GPATCH8: variants seen among roughly 807,000 people sequenced by gnomAD.
GPATCH8 encodes G-patch domain containing 8, also known as G patch domain-containing protein 8.
In GPATCH8, 18 loss-of-function variants were observed where a neutral mutation model predicts 118.3. The ratio of observed to expected loss-of-function variants is 0.15; its 90% CI spans 0.11 to 0.23. The LOEUF is 0.23. Among genes scored for constraint, GPATCH8 ranks in the 10% least tolerant of loss-of-function variants. The pLI is 1.00. For synonymous variants in GPATCH8, 659 were observed against 684.7 expected (o/e 0.96, Z 0.59); for missense variants, 1,631 against 1,873.8 (o/e 0.87, Z 2.39).
At position 44,435,053 on chromosome 17, in the gene GPATCH8, T is replaced by C. The variant is rs781665128; in HGVS notation, c.348+12A>G. On this transcript the variant is annotated intron_variant, in intron 5 of 7. Coordinates refer to ENST00000591680, the MANE Select transcript of GPATCH8 (RefSeq NM_001002909.4). ...CCTCCCCATCTCCCAATGAATAGCT[T>C]TGTTTAAATACCTTGTACTTTTGTC... The C allele has an allele frequency of 8.7e-7, 1 of 1,142,998 alleles. No individual in the cohort carries two copies. The highest frequency in any genetic ancestry group is 1.3e-6 in the Non-Finnish European group (1 of 749,526). The allele number at this position is 1,142,998 out of a possible 1,614,324, so 70.8% of individuals were successfully genotyped here.
intron 7 of GPATCH8, among the ~76,000 whole-genome samples, chr17:44,405,312 G>A (rs1222283962): frequency 1.1e-4 from 16 of 151,082 alleles, no homozygotes; most frequent in East Asian, 3.9e-4. Context: ...AGGTTCAAGC[G>A]ATTCTCCTGC....
At chr17:44,453,500 G>GTGTGTGTGTGTGT (rs1568011427) in intron 3 of GPATCH8, among the ~76,000 whole-genome samples, 15 of 142,772 alleles carry the variant, frequency 1.1e-4, no homozygotes, top group South Asian at 2.2e-4. Context: ...GGTAGGTAGG[G>GTGTGTGTGTGTGT]GTGTGTGTGT....
chr17:44,413,355 C>A (rs928741088), intron 6 of GPATCH8, among the ~76,000 whole-genome samples: 1 of 152,218 alleles, frequency 6.6e-6, no homozygotes, highest in Non-Finnish European at 1.5e-5. Flanking sequence ...ACTGCAACCT[C>A]CGCCTCCCAC....
intron 5 of GPATCH8, among the ~76,000 whole-genome samples, chr17:44,434,811 G>A (rs955807933): frequency 2.6e-5 from 4 of 152,202 alleles, no homozygotes; most frequent in South Asian, 2.1e-4. Flanking sequence ...TACCTACTAT[G>A]TAACAGGCAT....
At chr17:44,413,381 G>A (rs2049521703) in intron 6 of GPATCH8, among the ~76,000 whole-genome samples, 1 of 151,882 alleles carries the variant, frequency 6.6e-6, no homozygotes, top group Non-Finnish European at 1.5e-5. Context: ...AGCGATTCTT[G>A]TGCTTCAGCC....
intron 1 of GPATCH8, among the ~76,000 whole-genome samples, chr17:44,480,690 A>G (rs557022468): frequency 2.6e-5 from 4 of 151,000 alleles, no homozygotes; most frequent in Admixed American, 2.6e-4. Flanking sequence ...ATTGCACTCC[A>G]GCCTGGGCAA....
chr17:44,493,911 A>AACCATGACAGTATACAACTAT (rs1969473489), intron 1 of GPATCH8, among the ~76,000 whole-genome samples: 1 of 152,190 alleles, frequency 6.6e-6, no homozygotes, highest in South Asian at 2.1e-4. Flanking sequence ...GCATTTATTA[A>AACCATGACAGTATACAACTAT]ACCATGACAG....
At chr17:44,498,820 T>C (rs1016621736) in intron 1 of GPATCH8, among the ~76,000 whole-genome samples, 1 of 152,222 alleles carries the variant, frequency 6.6e-6, no homozygotes, top group Non-Finnish European at 1.5e-5. Flanking sequence ...ATATCTGGCA[T>C]ACCTGAATTA....
chr17:44,396,074 A>C lies in GPATCH8; in HGVS notation c.*1494T>G, dbSNP rs1411450613. 4 of 454,424 alleles carry C rather than the reference A, an allele frequency of 8.8e-6. No homozygotes were observed. Among genetic ancestry groups the C allele is most frequent in the Non-Finnish European group, 1.8e-5 (4 of 226,794 alleles). 28.1% of individuals were successfully genotyped at this position (454,424 alleles called of 1,614,324 possible). A position where few individuals can be genotyped will look rare whatever the true frequency, so the allele number is the denominator to read the frequency against. ...TATCTGTAAATGTGCTCACCTCCCAACAAAAGGAAGACTGTCCCAACTCAT... is the reference window on the plus strand; with the variant it reads ...TATCTGTAAATGTGCTCACCTCCCACCAAAAGGAAGACTGTCCCAACTCAT... On this transcript the variant is annotated 3_prime_UTR_variant, in exon 8 of 8. Transcript: ENST00000591680.
intron 6 of GPATCH8, among the ~76,000 whole-genome samples, chr17:44,414,291 A>G (rs2049594324): frequency 6.6e-6 from 1 of 151,814 alleles, no homozygotes; most frequent in Non-Finnish European, 1.5e-5. Flanking sequence ...GATAGACTTC[A>G]TATACCCTAA....
chr17:44,418,265 G>T (rs1453243905), intron 6 of GPATCH8, among the ~76,000 whole-genome samples: 1 of 152,124 alleles, frequency 6.6e-6, no homozygotes, highest in Non-Finnish European at 1.5e-5. Flanking sequence ...ATTCTTTGGA[G>T]TTTGAATTTT....
At chr17:44,487,509 G>A (rs1296014780) in intron 1 of GPATCH8, among the ~76,000 whole-genome samples, 2 of 152,148 alleles carry the variant, frequency 1.3e-5, no homozygotes, top group African/African-American at 2.4e-5. Flanking sequence ...CAGCTCCTTT[G>A]GTTAAGTACT....
chr17:44,400,573 C>T lies in GPATCH8; in HGVS notation c.1504G>A (p.Val502Ile). 1 of 1,614,170 alleles carries T rather than the reference C, an allele frequency of 6.2e-7. No homozygotes were observed. Among genetic ancestry groups the T allele is most frequent in the East Asian group, 2.2e-5 (1 of 44,882 alleles). The change falls in exon 8 of 8, where the codon GTT (valine) becomes ATT (isoleucine). Residue 502 changes from valine to isoleucine, a missense_variant. This residue lies in a region of GPATCH8 where 405 missense variants were observed against 462.7 expected (regional missense o/e 0.88). Coordinates refer to ENST00000591680, the MANE Select transcript of GPATCH8 (RefSeq NM_001002909.4). ...GACTCACACATTTGGGTCTCTGAAA[C>T]CTTCTGACTATGACTTTCTAAACTC... Reference protein sequence around the residue: ...DQSLESHSQKVSETQMCESNS... With the variant: ...DQSLESHSQKISETQMCESNS...
intron 1 of GPATCH8, among the ~76,000 whole-genome samples, chr17:44,479,295 A>C (rs984106413): frequency 5.3e-4 from 81 of 152,366 alleles, no homozygotes; most frequent in African/African-American, 1.9e-3. Context: ...CCTTCTGTAG[A>C]TTACAAACTA....
At chr17:44,406,922 T>G (rs996488356) in intron 6 of GPATCH8, among the ~76,000 whole-genome samples, 1 of 152,218 alleles carries the variant, frequency 6.6e-6, no homozygotes, top group African/African-American at 2.4e-5. Context: ...CATATCTATC[T>G]GCAATGAAGA....
intron 3 of GPATCH8, among the ~76,000 whole-genome samples, chr17:44,456,946 C>T (rs1248935186): frequency 6.6e-6 from 1 of 152,050 alleles, no homozygotes; most frequent in East Asian, 1.9e-4. Context: ...TCACTACAAC[C>T]TCTACTGCTG....
At chr17:44,452,427 A>G (rs2051152208) in intron 3 of GPATCH8, among the ~76,000 whole-genome samples, 1 of 152,168 alleles carries the variant, frequency 6.6e-6, no homozygotes, top group Non-Finnish European at 1.5e-5. Context: ...CACTTAATAA[A>G]TGATGGCTAT....
intron 6 of GPATCH8, among the ~76,000 whole-genome samples, chr17:44,420,149 A>G (rs2049843952): frequency 1.3e-5 from 2 of 152,182 alleles, no homozygotes; most frequent in Admixed American, 1.3e-4. Context: ...GATCACAGAT[A>G]TATATTCTGT....
At chr17:44,432,042 A>G (rs947028734) in intron 5 of GPATCH8, among the ~76,000 whole-genome samples, 1 of 149,222 alleles carries the variant, frequency 6.7e-6, no homozygotes, top group South Asian at 2.1e-4. Flanking sequence ...AGTAAATCAG[A>G]GTGGGTTTTT....
Sources: gnomAD v4.1 joint callset for allele counts (sites outside exome capture counted in the v4.1 genomes callset) on GRCh38, gnomAD v4.1.1 for gene constraint, gnomAD v4.1.1 regional missense constraint, MANE v1.5 for transcripts, NCBI Gene and HGNC (gene_info 2026-07-23, HGNC 2026-07-21) for gene names.